RPGRIP1: variants seen among roughly 807,000 people sequenced by gnomAD.
RPGRIP1 encodes RPGR interacting protein 1, also known as X-linked retinitis pigmentosa GTPase regulator-interacting protein 1.
Under a neutral mutation model 157.9 loss-of-function variants are expected in RPGRIP1, and 128 were observed. The ratio of observed to expected loss-of-function variants is 0.81; its 90% CI spans 0.70 to 0.94. The LOEUF (loss-of-function observed/expected upper bound fraction) is 0.94. Ranked by LOEUF, RPGRIP1 falls within the 40% of genes least tolerant of loss-of-function variation. The probability of loss-of-function intolerance (pLI) is 0.00; values close to 1 mark genes in which losing one functional copy is unlikely to be tolerated. For synonymous variants in RPGRIP1, 554 were observed against 571.6 expected, an observed-to-expected ratio of 0.97 and a Z score of 0.44; for missense variants, 1,486 against 1,545.8, an observed-to-expected ratio of 0.96 and a Z score of 0.65.
At position 21,281,112 on chromosome 14, in the gene RPGRIP1, G is replaced by A. The variant is rs151049816; in HGVS notation, c.-39+953G>A. 9.2e-3 allele frequency among the ~76,000 whole-genome samples: 1,391 copies of A among 151,534 alleles called. 17 individuals are homozygous for A. The highest frequency in any genetic ancestry group is 0.032 in the African/African-American group (1,321 of 41,312). On this transcript the variant is annotated intron_variant, in intron 1 of 24. Coordinates refer to ENST00000400017, the MANE Select transcript of RPGRIP1 (RefSeq NM_020366.4). ...GGCTCACTGCAACCTCTGCCTCCTG[G>A]GTTCAAACAATTCTCCTGCCTCAAC...
chr14:21,328,053 C>T (rs143792958), intron 18 of RPGRIP1, among the ~76,000 whole-genome samples: 73 of 152,132 alleles, frequency 4.8e-4, no homozygotes, highest in African/African-American at 1.6e-3. Flanking sequence ...GCCTGTAATC[C>T]CAGCTACTGG....
At chr14:21,337,111 G>GC (rs1264325224) in intron 21 of RPGRIP1, among the ~76,000 whole-genome samples, 1 of 152,120 alleles carries the variant, frequency 6.6e-6, no homozygotes, top group African/African-American at 2.4e-5. Context: ...TCACTCTTCT[G>GC]CCTGGGGTCA....
rs530008238 is a variant in RPGRIP1, at chr14:21,294,754, G to A, written c.163G>A (p.Glu55Lys). 4.8e-5 allele frequency: 77 copies of A among 1,608,928 alleles called. No homozygotes were observed. Among genetic ancestry groups the A allele is most frequent in the Non-Finnish European group, 6.3e-5 (74 of 1,177,150 alleles). The change falls in exon 3 of 25, where the codon GAA becomes AAA. Residue 55 changes from glutamate (E) to lysine (K), a missense_variant. Glu to Lys is a moderately conservative substitution (Grantham distance 56). Transcript: ENST00000400017. Reference sequence around the variant, plus strand: ...GGAGGACAGTTTCTTTCGACTTCGCGAAGATCACATGTTGGTGAAGGAGCT... The same window carrying A: ...GGAGGACAGTTTCTTTCGACTTCGCAAAGATCACATGTTGGTGAAGGAGCT... ...ELEDSFFRLR[E>K]DHMLVKELSW...
chr14:21,350,080 A>C (rs1313429877), intron 24 of RPGRIP1, among the ~76,000 whole-genome samples: 4 of 152,310 alleles, frequency 2.6e-5, no homozygotes. Flanking sequence ...GTGGGAAAGA[A>C]AACAGGAATT....
rs144055763 is a variant in RPGRIP1 at position 21,340,392 on chromosome 14, C to T, written c.3340-2644C>T. Among the ~76,000 whole-genome samples the T allele has an allele frequency of 7.1e-3, 1,082 of 152,324 alleles. 13 individuals carry two copies. The highest frequency in any genetic ancestry group is 0.024 in the African/African-American group (983 of 41,570). The stretch of plus-strand genomic sequence containing the variant: ...TAATGGGGCCGGGCGCAATGGCTCA[C>T]GCCTGTAGTCCCAACACTTTGGGAG... On this transcript the variant is annotated intron_variant, in intron 21 of 24. Transcript: ENST00000400017.
intron 7 of RPGRIP1, among the ~76,000 whole-genome samples, chr14:21,309,537 A>G (rs1881459675): frequency 6.6e-6 from 1 of 152,128 alleles, no homozygotes. Context: ...GGATTAATAA[A>G]GGAATAGATT....
In RPGRIP1 at chr14:21,303,203, C is replaced by T. The variant is rs951291281; in HGVS notation, c.588-128C>T. On this transcript the variant is annotated intron_variant, in intron 5 of 24. Transcript: ENST00000400017. ...TTATGTTTTGTTTGACATTTGAAAGCTGTATTTTATAAGATTTTCCTCGAC... is the reference window on the plus strand; with the variant it reads ...TTATGTTTTGTTTGACATTTGAAAGTTGTATTTTATAAGATTTTCCTCGAC... 6.0e-6 allele frequency: 4 copies of T among 667,104 alleles called. No individual in the cohort carries two copies. The African/African-American group carries it at 7.3e-5, about 12-fold the overall frequency. 41.3% of individuals were successfully genotyped at this position (667,104 alleles called of 1,614,324 possible).
intron 11 of RPGRIP1, among the ~76,000 whole-genome samples, chr14:21,319,590 A>T (rs1184520972): frequency 6.6e-6 from 1 of 152,114 alleles, no homozygotes; most frequent in East Asian, 1.9e-4. Flanking sequence ...ACATTGGAAC[A>T]CAGAAATGCC....
intron 1 of RPGRIP1, among the ~76,000 whole-genome samples, chr14:21,286,525 G>T (rs184892577): frequency 6.6e-6 from 1 of 151,720 alleles, no homozygotes; most frequent in Non-Finnish European, 1.5e-5. Context: ...GGCTGGCTGC[G>T]GTCTGATGCC....
At chr14:21,342,123 T>A (rs927462476) in intron 21 of RPGRIP1, among the ~76,000 whole-genome samples, 1 of 151,890 alleles carries the variant, frequency 6.6e-6, no homozygotes, top group African/African-American at 2.4e-5. Flanking sequence ...GGCATGCACT[T>A]GAGTGGGCAT....
chr14:21,300,876 A>G (rs1219246693), intron 3 of RPGRIP1, 90 bp from the exon 4 acceptor site: 33 of 1,420,032 alleles, frequency 2.3e-5, no homozygotes, highest in Non-Finnish European at 3.0e-5. Context: ...AATACATATT[A>G]TAGATCAATT....
In RPGRIP1 at chr14:21,283,355, T is replaced by C. The variant is rs937668809; in HGVS notation, c.-39+3196T>C. ...TCTCACACTGTCGCCCAGGCTGGAG[T>C]GCAATGGTGTAATCTTGGCTCACTG... On this transcript the variant is annotated intron_variant, in intron 1 of 24. Coordinates refer to ENST00000400017, the MANE Select transcript of RPGRIP1 (RefSeq NM_020366.4). 2.6e-5 allele frequency among the ~76,000 whole-genome samples: 4 copies of C among 152,160 alleles called. No individual in the cohort carries two copies. The East Asian group carries it at 5.8e-4, about 22-fold the overall frequency.
chr14:21,310,454 C>A, intron 7 of RPGRIP1, 130 bp from the exon 8 acceptor site: 1 of 565,746 alleles, frequency 1.8e-6, no homozygotes, highest in Non-Finnish European at 3.1e-6. Flanking sequence ...AATTAGTAAA[C>A]AAGTACACAA....
chr14:21,319,300 G>C (rs571615534), intron 11 of RPGRIP1, among the ~76,000 whole-genome samples: 1 of 152,110 alleles, frequency 6.6e-6, no homozygotes, highest in Non-Finnish European at 1.5e-5. Context: ...GGTGGCTCAT[G>C]CCTGTAATCC....
At chr14:21,286,420 A>G (rs1044647689) in intron 1 of RPGRIP1, among the ~76,000 whole-genome samples, 1 of 149,904 alleles carries the variant, frequency 6.7e-6, no homozygotes, top group Admixed American at 6.6e-5. Flanking sequence ...AAAAGATGAG[A>G]CTGGTAAGAT....
In RPGRIP1 at chr14:21,324,918, C is replaced by T. The variant is rs543867152; in HGVS notation, c.2063C>T (p.Ser688Leu). The T allele has an allele frequency of 8.9e-5, 144 of 1,614,050 alleles. No homozygotes were observed. In the Admixed American group the frequency reaches 9.2e-4, roughly 10 times the overall value. ...TCCCAGTATGTGATGGAGACAGATT[C>T]GCTTTTCTTACACTACCTTCAAGAG... Reference protein sequence around the residue: ...FTSQYVMETDSLFLHYLQEAS... With the variant: ...FTSQYVMETDLLFLHYLQEAS... Residue 688 changes from serine to leucine, a missense_variant, in exon 15 of 25, where the codon TCG becomes TTG. By Grantham distance (145) the Ser-to-Leu change is moderately radical (BLOSUM62 -2). Transcript: ENST00000400017.
In RPGRIP1 at chr14:21,328,621, A is replaced by T; in HGVS notation, c.3093A>T (p.Thr1031=). 1 of 1,609,222 alleles carries T rather than the reference A, an allele frequency of 6.2e-7. No homozygotes were observed. The highest frequency in any genetic ancestry group is 8.5e-7 in the Non-Finnish European group (1 of 1,175,744). ...YLSLNILNGN[T]PEQVNYTEWK... ...GCCTTAACATCTTAAATGGAAATAC[A>T]CCAGAGGTAAGACCTTAAAAACTCT... The change falls in exon 19 of 25, where the codon ACA becomes ACT. Residue 1031 remains threonine (T), a synonymous_variant. Transcript: ENST00000400017.
chr14:21,310,488 TATA>T (rs1308548175), intron 7 of RPGRIP1, 93 bp from the exon 8 acceptor site: 2 of 662,506 alleles, frequency 3.0e-6, no homozygotes, highest in East Asian at 6.4e-5. Flanking sequence ...GTGGGATTTT[TATA>T]ATGTCTTTAA....
chr14:21,334,625 G>A lies in RPGRIP1; in HGVS notation c.3259G>A (p.Gly1087Ser), dbSNP rs756204198. 3.7e-6 allele frequency: 6 copies of A among 1,607,544 alleles called. No individual in the cohort carries two copies. Among genetic ancestry groups the A allele is most frequent in the Non-Finnish European group, 5.1e-6 (6 of 1,177,162 alleles). ...AGCAGACAAAGAATCCTCTGAACAA[G>A]GTTCTGAAGTCAGTGAAGCACAAAC... ...PVNDKESSEQ[G>S]SEVSEAQTTD... Residue 1087 changes from glycine to serine, a missense_variant, in exon 21 of 25, where the codon GGT becomes AGT. Transcript: ENST00000400017.
Sources: allele counts gnomAD v4.1 joint callset (sites outside exome capture counted in the v4.1 genomes callset), GRCh38; gene constraint gnomAD v4.1.1; transcripts MANE v1.5; gene names NCBI Gene and HGNC (gene_info 2026-07-23, HGNC 2026-07-21).